The following SPICE1 variants were observed in gnomAD, a reference collection of about 807,000 sequenced individuals.
SPICE1 encodes the protein spindle and centriole-associated protein 1.
In SPICE1, 75 loss-of-function variants were observed where a neutral mutation model predicts 102.7. The ratio of observed to expected loss-of-function variants is 0.73; its 90% CI spans 0.61 to 0.88. The LOEUF is 0.88. Ranked by LOEUF, SPICE1 falls within the 40% of genes least tolerant of loss-of-function variation. The pLI is 0.00. For synonymous variants in SPICE1, 308 were observed against 350.3 expected (o/e 0.88, Z 1.35); for missense variants, 979 against 1,020.1 (o/e 0.96, Z 0.55).
chr3:113,475,616 A>C (rs1409479190), intron 7 of SPICE1, among the ~76,000 whole-genome samples: 1 of 152,182 alleles, frequency 6.6e-6, no homozygotes, highest in East Asian at 1.9e-4. Flanking sequence ...CCTGGGATGC[A>C]AGGCTGGTTC....
rs113494370 is a variant in SPICE1, at chr3:113,468,984, T to C, written c.752-85A>G. 9.0e-6 allele frequency: 14 copies of C among 1,563,328 alleles called. No individual in the cohort carries two copies. The African/African-American group carries it at 9.6e-5, about 11-fold the overall frequency. On this transcript the variant is annotated intron_variant, in intron 8 of 17. Transcript: ENST00000295872. ...TCAATTGACAGATCCATCAGTATTT[T>C]AGTCAATTAGGCAAAGGCAGTCAAA...
chr3:113,494,091 G>A lies in SPICE1; in HGVS notation c.343C>T (p.Leu115=). 6.2e-7 allele frequency: 1 copy of A among 1,612,754 alleles called. No homozygotes were observed. The highest frequency in any genetic ancestry group is 1.1e-5 in the South Asian group (1 of 90,942). The change falls in exon 5 of 18, where the codon CTA becomes TTA. Residue 115 remains leucine (L), a synonymous_variant. Transcript: ENST00000295872. ...AACAGCTCTTTTGCTGCAGCTATTA[G>A]ATGATCAGATTTCTCCAACACATCT... is the stretch of plus-strand genomic sequence containing the variant. ...MQDVLEKSDH[L]IAAAKELFPR...
At chr3:113,481,336 G>GT (rs1936495796) in intron 7 of SPICE1, among the ~76,000 whole-genome samples, 1 of 151,208 alleles carries the variant, frequency 6.6e-6, no homozygotes, top group Non-Finnish European at 1.5e-5. Flanking sequence ...AATAAACTCA[G>GT]TAAGAAATAA....
chr3:113,481,806 C>T (rs982670560), intron 7 of SPICE1, among the ~76,000 whole-genome samples: 3 of 152,096 alleles, frequency 2.0e-5, no homozygotes, highest in African/African-American at 7.2e-5. Flanking sequence ...TTTCTTTATC[C>T]AGTCTATCAT....
At chr3:113,489,282 T>C (rs879225008) in intron 6 of SPICE1, among the ~76,000 whole-genome samples, 2 of 152,174 alleles carry the variant, frequency 1.3e-5, no homozygotes, top group Non-Finnish European at 2.9e-5. Context: ...TTCACCAACA[T>C]TTAAATGTGA....
At position 113,491,650 on chromosome 3, in the gene SPICE1, G is replaced by A. The variant is rs199550759; in HGVS notation, c.492+1556C>T. ...AAAAAAAAAAAAAAAAAAAAAAAAAGATTATCTATAGCAACACCAATTTCC... is the reference window on the plus strand; with the variant it reads ...AAAAAAAAAAAAAAAAAAAAAAAAAAATTATCTATAGCAACACCAATTTCC... On this transcript the variant is annotated intron_variant, in intron 6 of 17. Transcript: ENST00000295872. Among the ~76,000 whole-genome samples, 881 of 101,236 alleles carry A rather than the reference G, an allele frequency of 8.7e-3. 1 individual carries two copies. The highest frequency in any genetic ancestry group is 0.011 in the African/African-American group (269 of 24,726). The allele number at this position is 101,236 out of a possible 152,430, so 66.4% of individuals were successfully genotyped here.
At position 113,480,932 on chromosome 3, in the gene SPICE1, A is replaced by AAAGAAAG. The variant is rs750705808; in HGVS notation, c.611+8012_611+8013insCTTTCTT. Among the ~76,000 whole-genome samples the AAAGAAAG allele has an allele frequency of 2.2e-4, 14 of 62,626 alleles. 2 individuals are homozygous for AAAGAAAG. The highest frequency in any genetic ancestry group is 1.3e-3 in the East Asian group (5 of 3,776). 41.1% of individuals were successfully genotyped at this position (62,626 alleles called of 152,430 possible). A position where few individuals can be genotyped will look rare whatever the true frequency, so the allele number is the denominator to read the frequency against. On this transcript the variant is annotated intron_variant, in intron 7 of 17. Transcript: ENST00000295872. Reference sequence around the variant, plus strand: ...AAATTTAAAGAAAGAAAGAAAGAAAAAAGACCTCAGTACTAAAGCCAATAC... The same window carrying AAAGAAAG: ...AAATTTAAAGAAAGAAAGAAAGAAAAAAGAAAGAAGACCTCAGTACTAAAGCCAATAC...
chr3:113,460,867 C>G (rs769138161), intron 11 of SPICE1, 103 bp from the exon 12 acceptor site: 84 of 982,612 alleles, frequency 8.5e-5, no homozygotes, highest in Non-Finnish European at 1.2e-4. Flanking sequence ...AATATCATAT[C>G]AATACATATC....
At chr3:113,485,065 C>T (rs566715556) in intron 7 of SPICE1, among the ~76,000 whole-genome samples, 5 of 152,142 alleles carry the variant, frequency 3.3e-5, no homozygotes, top group East Asian at 1.9e-4. Flanking sequence ...CTTCGCAACC[C>T]GCAGGCCAAG....
At chr3:113,482,256 G>GTTGT in intron 7 of SPICE1, among the ~76,000 whole-genome samples, 1 of 150,924 alleles carries the variant, frequency 6.6e-6, no homozygotes, top group East Asian at 1.9e-4. Context: ...TTTTGATGGG[G>GTTGT]TTGTTTTTTT....
At chr3:113,471,575 G>C (rs543576873) in intron 7 of SPICE1, among the ~76,000 whole-genome samples, 3 of 152,180 alleles carry the variant, frequency 2.0e-5, no homozygotes, top group Non-Finnish European at 4.4e-5. Context: ...ATCAAGTTCT[G>C]TTGTTTTAAG....
At chr3:113,462,713 T>A (rs1372720286) in intron 11 of SPICE1, among the ~76,000 whole-genome samples, 1 of 152,178 alleles carries the variant, frequency 6.6e-6, no homozygotes, top group East Asian at 1.9e-4. Context: ...TAAGTAGAAC[T>A]GTTTTTGGCC....
At chr3:113,461,878 A>C (rs1407924885) in intron 11 of SPICE1, among the ~76,000 whole-genome samples, 1 of 152,160 alleles carries the variant, frequency 6.6e-6, no homozygotes, top group African/African-American at 2.4e-5. Flanking sequence ...CCACCAGCCC[A>C]AATTTTTTCC....
At chr3:113,453,335 T>C in intron 14 of SPICE1, 131 bp downstream of exon 14, 2 of 1,061,460 alleles carry the variant, frequency 1.9e-6, no homozygotes, top group Non-Finnish European at 2.7e-6. Context: ...ATTGAGGACA[T>C]GCCAAACATA....
chr3:113,455,410 A>C (rs911841022), intron 13 of SPICE1, among the ~76,000 whole-genome samples: 5 of 152,232 alleles, frequency 3.3e-5, no homozygotes, highest in Non-Finnish European at 7.3e-5. Flanking sequence ...GCCTCTAGCT[A>C]TATGTGGCTA....
chr3:113,448,233 A>C (rs1576619587), intron 15 of SPICE1, 93 bp from the exon 16 acceptor site: 1 of 1,144,504 alleles, frequency 8.7e-7, no homozygotes. Context: ...CACATTAAAA[A>C]TTTGGTGGTT....
chr3:113,476,447 A>C (rs1482848485), intron 7 of SPICE1, among the ~76,000 whole-genome samples: 1 of 149,714 alleles, frequency 6.7e-6, no homozygotes, highest in Non-Finnish European at 1.5e-5. Flanking sequence ...TAAAGTTCAT[A>C]TGGAACCGAA....
At chr3:113,506,714 G>T in intron 1 of SPICE1, 109 bp from the exon 2 acceptor site, 1 of 797,430 alleles carries the variant, frequency 1.3e-6, no homozygotes, top group Non-Finnish European at 2.0e-6. Flanking sequence ...AATGCCAGAA[G>T]AAAAATTTAA....
intron 11 of SPICE1, among the ~76,000 whole-genome samples, chr3:113,463,782 A>G (rs1323916965): frequency 6.6e-6 from 1 of 152,250 alleles, no homozygotes; most frequent in Non-Finnish European, 1.5e-5. Context: ...TAAAGGGTAC[A>G]GGATGGCCTG....
Sources: allele counts gnomAD v4.1 joint callset (sites outside exome capture counted in the v4.1 genomes callset), GRCh38; gene constraint gnomAD v4.1.1; transcripts MANE v1.5; gene names NCBI Gene and HGNC (gene_info 2026-07-23, HGNC 2026-07-21).